The following ERBB4 variants were observed in gnomAD, a reference collection of about 807,000 sequenced individuals.
ERBB4 encodes receptor tyrosine-protein kinase erbB-4.
A neutral mutation model predicts 158.0 loss-of-function variants in ERBB4; 42 were observed. That is an observed-to-expected ratio of 0.27 (90% confidence interval 0.21 to 0.34). The LOEUF is 0.34. Ranked by LOEUF, ERBB4 falls within the 10% of genes least tolerant of loss-of-function variation. ERBB4 has a pLI of 1.00. For missense variants in ERBB4, 1,333 were observed against 1,624.1 expected (o/e 0.82, Z 3.08); for synonymous variants, 583 against 558.7 (o/e 1.04, Z -0.61).
chr2:212,180,915 AT>A (rs2081838544), intron 1 of ERBB4, among the ~76,000 whole-genome samples: 2 of 151,810 alleles, frequency 1.3e-5, no homozygotes, highest in Admixed American at 1.3e-4. Flanking sequence ...CAGTAATTCC[AT>A]TATACTAATT....
In ERBB4 at chr2:212,157,333, C is replaced by T. The variant is rs534294509; in HGVS notation, c.83-32430G>A. ...GTGAGATGGCCTCTCTGAGTGTGGG[C>T]CTAGTATTCAATACTTACCCTTTTT... is the stretch of plus-strand genomic sequence containing the variant. On this transcript the variant is annotated intron_variant, in intron 1 of 27. Coordinates refer to ENST00000342788, the MANE Select transcript of ERBB4 (RefSeq NM_005235.3). 2.6e-4 allele frequency among the ~76,000 whole-genome samples: 39 copies of T among 152,072 alleles called. No homozygotes were observed. In the South Asian group the frequency reaches 7.9e-3, roughly 31 times the overall value.
chr2:211,574,860 T>C (rs2067843392), intron 19 of ERBB4, among the ~76,000 whole-genome samples: 1 of 152,242 alleles, frequency 6.6e-6, no homozygotes, highest in Non-Finnish European at 1.5e-5. Flanking sequence ...ACAACCATAC[T>C]GTGGTCCCTC....
At chr2:212,528,581 G>A (rs1045389688) in intron 1 of ERBB4, among the ~76,000 whole-genome samples, 26 of 152,108 alleles carry the variant, frequency 1.7e-4, no homozygotes, top group East Asian at 9.6e-4. Flanking sequence ...TAGATTACTC[G>A]GCAGACTGTT....
intron 20 of ERBB4, among the ~76,000 whole-genome samples, chr2:211,435,755 G>C (rs2063837514): frequency 6.6e-6 from 1 of 152,158 alleles, no homozygotes. Context: ...TATCTCCCCT[G>C]CCGGGCCCCC....
intron 16 of ERBB4, among the ~76,000 whole-genome samples, chr2:211,650,356 C>G (rs1188320384): frequency 1.3e-5 from 2 of 151,750 alleles, no homozygotes; most frequent in Non-Finnish European, 2.9e-5. Context: ...TAATTCCAAC[C>G]CTTTGAGTAA....
intron 3 of ERBB4, among the ~76,000 whole-genome samples, chr2:211,886,954 C>T (rs1388018780): frequency 6.6e-6 from 1 of 152,200 alleles, no homozygotes; most frequent in Non-Finnish European, 1.5e-5. Flanking sequence ...TGTTCCTTAT[C>T]ATTTCCAATT....
chr2:211,838,265 G>A (rs1332196139), intron 3 of ERBB4, among the ~76,000 whole-genome samples: 2 of 151,942 alleles, frequency 1.3e-5, no homozygotes, highest in Non-Finnish European at 2.9e-5. Flanking sequence ...GATGGTGGTG[G>A]TATTTGATCC....
At chr2:211,390,924 C>T (rs2062786819) in intron 25 of ERBB4, among the ~76,000 whole-genome samples, 1 of 152,052 alleles carries the variant, frequency 6.6e-6, no homozygotes, top group Admixed American at 6.6e-5. Flanking sequence ...TCCATTTTTT[C>T]AGTTTGCTTT....
At chr2:212,411,622 T>C (rs1162627231) in intron 1 of ERBB4, among the ~76,000 whole-genome samples, 1 of 152,122 alleles carries the variant, frequency 6.6e-6, no homozygotes, top group Non-Finnish European at 1.5e-5. Context: ...AGTTACTTGA[T>C]TGGTGAGGAT....
intron 1 of ERBB4, among the ~76,000 whole-genome samples, chr2:212,302,215 G>C (rs910830236): frequency 6.6e-6 from 1 of 151,358 alleles, no homozygotes; most frequent in African/African-American, 2.4e-5. Flanking sequence ...CTTCACTGGG[G>C]TTTTATATCT....
intron 5 of ERBB4, among the ~76,000 whole-genome samples, chr2:211,748,522 A>T (rs2075038237): frequency 6.6e-6 from 1 of 152,132 alleles, no homozygotes. Flanking sequence ...CAGAAGAGGG[A>T]TCCACCCCAG....
At chr2:211,870,032 C>A (rs924033678) in intron 3 of ERBB4, among the ~76,000 whole-genome samples, 2 of 152,138 alleles carry the variant, frequency 1.3e-5, no homozygotes, top group African/African-American at 2.4e-5. Flanking sequence ...GTGATTCTCC[C>A]AGTATCCATC....
chr2:212,393,035 C>T (rs2106442119), intron 1 of ERBB4, among the ~76,000 whole-genome samples: 1 of 152,148 alleles, frequency 6.6e-6, no homozygotes, highest in East Asian at 1.9e-4. Flanking sequence ...GCCACCAAAG[C>T]AAGCCCTGGG....
Position 211,420,460 on chromosome 2 carries a change from G to C in ERBB4, c.3116C>G (p.Ala1039Gly). The C allele has an allele frequency of 6.2e-7, 1 of 1,611,214 alleles. No homozygotes were observed. The highest frequency in any genetic ancestry group is 8.5e-7 in the Non-Finnish European group (1 of 1,177,824). ...TCTTACCCTATTCGAGTCAATTCTT[G>C]CTCTGGAAGTATAGATGGGAGGTGG... ...NIPPPIYTSR[A>G]RIDSNRSEIG... Residue 1039 changes from alanine (A) to glycine (G), a missense_variant, in exon 25 of 28, where the codon GCA (alanine) becomes GGA (glycine). Transcript: ENST00000342788.
Position 212,223,431 on chromosome 2 carries a change from T to A in ERBB4, c.83-98528A>T, listed in dbSNP as rs1005772086. Among the ~76,000 whole-genome samples the A allele has an allele frequency of 1.3e-3, 153 of 115,328 alleles. No homozygotes were observed. The South Asian group carries it at 0.013, about 10-fold the overall frequency. The allele number at this position is 115,328 out of a possible 152,430, so 75.7% of individuals were successfully genotyped here. A position where few individuals can be genotyped will look rare whatever the true frequency, so the allele number is the denominator to read the frequency against. On this transcript the variant is annotated intron_variant, in intron 1 of 27. Transcript: ENST00000342788. ...TTATCAAATATATATATATATATTT[T>A]TTTTATTTATATACATTTCTTGAAG...
rs73077400 is a variant in ERBB4, at chr2:211,945,248, C to T, written c.421+2182G>A. On this transcript the variant is annotated intron_variant, in intron 3 of 27. Coordinates refer to ENST00000342788, the MANE Select transcript of ERBB4 (RefSeq NM_005235.3). The stretch of plus-strand genomic sequence containing the variant: ...TTCTATCATTTCTTGCATATTCTTG[C>T]ACACAAACACAATCATGCATACATG... Among the ~76,000 whole-genome samples the T allele has an allele frequency of 9.8e-3, 1,484 of 152,152 alleles. 23 individuals carry two copies. Among genetic ancestry groups the T allele is most frequent in the African/African-American group, 0.034 (1,411 of 41,522 alleles).
intron 1 of ERBB4, among the ~76,000 whole-genome samples, chr2:212,434,248 G>A (rs1257769383): frequency 1.3e-5 from 2 of 151,908 alleles, no homozygotes; most frequent in African/African-American, 4.8e-5. Flanking sequence ...GAAATCCCAA[G>A]AATGAATGAA....
chr2:211,798,006 C>T (rs1183976212), intron 3 of ERBB4, among the ~76,000 whole-genome samples: 2 of 151,930 alleles, frequency 1.3e-5, no homozygotes, highest in African/African-American at 4.8e-5. Flanking sequence ...ACATTAACTA[C>T]AGTAAAATGG....
chr2:212,191,413 T>G (rs16825032), intron 1 of ERBB4, among the ~76,000 whole-genome samples: 949 of 62,414 alleles, frequency 0.015, 18 homozygotes, highest in African/African-American at 0.042. Context: ...CAGAAAATTT[T>G]ACAACCTAGT....
Sources: allele counts gnomAD v4.1 joint callset (sites outside exome capture counted in the v4.1 genomes callset), GRCh38; gene constraint gnomAD v4.1.1; transcripts MANE v1.5; gene names NCBI Gene and HGNC (gene_info 2026-07-23, HGNC 2026-07-21).